The following ZNF99 variants were observed in gnomAD, a reference collection of about 807,000 sequenced individuals.
ZNF99 encodes zinc finger protein 99, also known as zinc finger protein ENSP00000375192.
In ZNF99, 8 loss-of-function variants were observed where a neutral mutation model predicts 12.8. That is an observed-to-expected ratio of 0.62 (90% CI 0.37 to 1.13). The LOEUF is 1.13. Ranked by LOEUF, ZNF99 falls within the 50% of genes most tolerant of loss-of-function variation. ZNF99 has a pLI of 0.02. For synonymous variants in ZNF99, 318 were observed against 319.0 expected, an observed-to-expected ratio of 1.00 and a Z score of 0.03; for missense variants, 1,007 against 1,006.2, an observed-to-expected ratio of 1.00 and a Z score of -0.01.
Position 22,754,446 on chromosome 19 carries a change from G to T in ZNF99, c.*2868C>A. Reference sequence around the variant, plus strand: ...ACATAAATTATCTTATGTGTAATAAGGGTTGAAATGTTTTTAAAGCTTTTG... The same window carrying T: ...ACATAAATTATCTTATGTGTAATAATGGTTGAAATGTTTTTAAAGCTTTTG... On this transcript the variant is annotated 3_prime_UTR_variant, in exon 4 of 4. Coordinates refer to ENST00000596209, the MANE Select transcript of ZNF99 (RefSeq NM_001080409.3). 2 of 403,622 alleles carry T rather than the reference G, an allele frequency of 5.0e-6. No homozygotes were observed. The highest frequency in any genetic ancestry group is 4.9e-6 in the Non-Finnish European group (1 of 205,022). The allele number at this position is 403,622 out of a possible 1,614,324, so 25.0% of individuals were successfully genotyped here.
At chr19:22,777,185 G>A (rs1973339369) in intron 1 of ZNF99, among the ~76,000 whole-genome samples, 1 of 151,908 alleles carries the variant, frequency 6.6e-6, no homozygotes, top group Non-Finnish European at 1.5e-5. Context: ...AACAAAACAT[G>A]GTATATAAAC....
Position 22,756,998 on chromosome 19 carries a change from G to C in ZNF99, c.*316C>G. On this transcript the variant is annotated 3_prime_UTR_variant, in exon 4 of 4. Transcript: ENST00000596209. ...ATGAATTATCTTATGTTTCCTAAGG[G>C]CTGAGAAATTGCTAAAAGCTTTGCC... The C allele has an allele frequency of 6.2e-7, 1 of 1,610,010 alleles. No homozygotes were observed. Among genetic ancestry groups the C allele is most frequent in the East Asian group, 2.2e-5 (1 of 44,612 alleles).
Position 22,776,518 on chromosome 19 carries a change from C to T in ZNF99, c.4-7194G>A, listed in dbSNP as rs193233428. ...ATCACTACAGAAAAGCAAAGAAAAACCACAATGATATACCATCTCATATCA... is the reference window on the plus strand; with the variant it reads ...ATCACTACAGAAAAGCAAAGAAAAATCACAATGATATACCATCTCATATCA... On this transcript the variant is annotated intron_variant, in intron 1 of 3. Transcript: ENST00000596209. Among the ~76,000 whole-genome samples, 20 of 126,052 alleles carry T rather than the reference C, an allele frequency of 1.6e-4. No individual in the cohort carries two copies. In the East Asian group the frequency reaches 4.5e-3, roughly 28 times the overall value. 82.7% of individuals were successfully genotyped at this position (126,052 alleles called of 152,430 possible).
In ZNF99 at chr19:22,757,616, C is replaced by A; in HGVS notation, c.2293G>T (p.Glu765Ter). 3 of 1,611,560 alleles carry A rather than the reference C, an allele frequency of 1.9e-6. No individual in the cohort carries two copies. The highest frequency in any genetic ancestry group is 2.5e-6 in the Non-Finnish European group (3 of 1,179,666). The change falls in exon 4 of 4, where the codon GAA becomes TAA. Residue 765 changes from glutamate to a stop codon, truncating the protein, a stop_gained. Transcript: ENST00000596209. LOFTEE classifies it low-confidence loss of function (END_TRUNC). Reference protein sequence around the residue: ...HTAEKPCKCEECGKAFKHFSA... With the variant: ...HTAEKPCKCE ...AAATGCTTAAAAGCTTTGCCACATT[C>A]TTCACATTTGCAGGGTTTCTCTGCA... is the stretch of plus-strand genomic sequence containing the variant.
rs1214356084 is a variant in ZNF99 at position 22,757,296 on chromosome 19, G to C, written c.*18C>G. The C allele has an allele frequency of 1.2e-6, 2 of 1,613,064 alleles. No individual in the cohort carries two copies. Among genetic ancestry groups the C allele is most frequent in the East Asian group, 2.2e-5 (1 of 44,802 alleles). On this transcript the variant is annotated 3_prime_UTR_variant, in exon 4 of 4. Coordinates refer to ENST00000596209, the MANE Select transcript of ZNF99 (RefSeq NM_001080409.3). ...TTGCCACATTCTTCACATTTGTAGGGTTTCTTTCCAGTATGAATTATCTCA... is the reference window on the plus strand; with the variant it reads ...TTGCCACATTCTTCACATTTGTAGGCTTTCTTTCCAGTATGAATTATCTCA...
Position 22,753,430 on chromosome 19 carries a change from AACTT to A in ZNF99, c.*3880_*3883del, listed in dbSNP as rs1972999523. On this transcript the variant is annotated 3_prime_UTR_variant, in exon 4 of 4. Coordinates refer to ENST00000596209, the MANE Select transcript of ZNF99 (RefSeq NM_001080409.3). Reference sequence around the variant, plus strand: ...TCATATTTACTGCATCTACAAAAAAAACTTACTCTGTTTTCTAAGCTGTAGTTTA... The same window carrying A: ...TCATATTTACTGCATCTACAAAAAAAACTCTGTTTTCTAAGCTGTAGTTTA... 1 of 152,116 alleles carries A rather than the reference AACTT, an allele frequency of 6.6e-6. No individual in the cohort carries two copies. The highest frequency in any genetic ancestry group is 2.4e-5 in the African/African-American group (1 of 41,460). 9.4% of individuals were successfully genotyped at this position (152,116 alleles called of 1,614,324 possible).
chr19:22,754,160 A>G lies in ZNF99; in HGVS notation c.*3154T>C. 2.2e-6 allele frequency: 1 copy of G among 452,698 alleles called. No individual in the cohort carries two copies. The highest frequency in any genetic ancestry group is 4.4e-6 in the Non-Finnish European group (1 of 226,078). 28.0% of individuals were successfully genotyped at this position (452,698 alleles called of 1,614,324 possible). On this transcript the variant is annotated 3_prime_UTR_variant, in exon 4 of 4. Coordinates refer to ENST00000596209, the MANE Select transcript of ZNF99 (RefSeq NM_001080409.3). ...GGCGGGTGGATCACTTGAGGTCAGG[A>G]GTTCAAAACCAGCCTGGTCAAAATG...
Position 22,757,427 on chromosome 19 carries a change from A to G in ZNF99, c.2482T>C (p.Trp828Arg), listed in dbSNP as rs749295695. Residue 828 changes from tryptophan to arginine, a missense_variant, in exon 4 of 4, where the codon TGG becomes CGG. Physicochemically the swap from Trp to Arg is moderately radical, Grantham distance 101. Coordinates refer to ENST00000596209, the MANE Select transcript of ZNF99 (RefSeq NM_001080409.3). The stretch of plus-strand genomic sequence containing the variant: ...TTATGTAAAGTAAGTTTTGAGGACC[A>G]CTGAAAAGCTTTACCACATTCTTCA... Reference protein sequence around the residue: ...KCEECGKAFQWSSKLTLHKVI... With the variant: ...KCEECGKAFQRSSKLTLHKVI... 20 of 1,604,466 alleles carry G rather than the reference A, an allele frequency of 1.2e-5. No homozygotes were observed. Among genetic ancestry groups the G allele is most frequent in the Non-Finnish European group, 1.4e-5 (17 of 1,177,972 alleles).
rs1333660704 is a variant in ZNF99, at chr19:22,784,066, C to A, written c.-50G>T. 7 of 1,610,526 alleles carry A rather than the reference C, an allele frequency of 4.3e-6. No individual in the cohort carries two copies. The highest frequency in any genetic ancestry group is 5.9e-6 in the Non-Finnish European group (7 of 1,177,642). ...CGTCCTAGCTGTGGATCTCCAAATA[C>A]CTACAGGTCACAGGGCCACAGAGGC... On this transcript the variant is annotated 5_prime_UTR_variant, in exon 1 of 4. Coordinates refer to ENST00000596209, the MANE Select transcript of ZNF99 (RefSeq NM_001080409.3).
intron 2 of ZNF99, 36 bp from the exon 3 acceptor site, chr19:22,768,436 C>A: frequency 6.5e-7 from 1 of 1,539,004 alleles, no homozygotes; most frequent in South Asian, 1.2e-5. Flanking sequence ...AAATATTGCT[C>A]ATATTCCCCA....
Position 22,755,216 on chromosome 19 carries a change from C to A in ZNF99, c.*2098G>T. On this transcript the variant is annotated 3_prime_UTR_variant, in exon 4 of 4. Coordinates refer to ENST00000596209, the MANE Select transcript of ZNF99 (RefSeq NM_001080409.3). The stretch of plus-strand genomic sequence containing the variant: ...CTTTCTTCACATTTGTAGGGTTTTT[C>A]TCCAGTACGAATTTTCTTATGTCTA... 3.6e-6 allele frequency: 1 copy of A among 274,064 alleles called. No homozygotes were observed. Among genetic ancestry groups the A allele is most frequent in the Non-Finnish European group, 7.4e-6 (1 of 135,344 alleles). The allele number at this position is 274,064 out of a possible 1,614,324, so 17.0% of individuals were successfully genotyped here. A position where few individuals can be genotyped will look rare whatever the true frequency, so the allele number is the denominator to read the frequency against.
At chr19:22,772,695 CAGAG>C (rs1229959855) in intron 1 of ZNF99, among the ~76,000 whole-genome samples, 1 of 150,746 alleles carries the variant, frequency 6.6e-6, no homozygotes, top group Non-Finnish European at 1.5e-5. Flanking sequence ...AAAAAAAAGA[CAGAG>C]AGAAAGAGAA....
At position 22,757,240 on chromosome 19, in the gene ZNF99, T is replaced by C; in HGVS notation, c.*74A>G. ...TCTTCCCAGTATAAATTATCTTATGTTTCCTAAGGGTTGAGGAATTGTTAA... is the reference window on the plus strand; with the variant it reads ...TCTTCCCAGTATAAATTATCTTATGCTTCCTAAGGGTTGAGGAATTGTTAA... On this transcript the variant is annotated 3_prime_UTR_variant, in exon 4 of 4. Transcript: ENST00000596209. The C allele has an allele frequency of 6.3e-7, 1 of 1,588,226 alleles. No homozygotes were observed. Among genetic ancestry groups the C allele is most frequent in the Non-Finnish European group, 8.6e-7 (1 of 1,162,616 alleles).
intron 1 of ZNF99, among the ~76,000 whole-genome samples, chr19:22,771,662 A>G (rs1034081074): frequency 4.0e-5 from 6 of 149,044 alleles, no homozygotes; most frequent in Non-Finnish European, 7.4e-5. Flanking sequence ...CTTTTCCCCA[A>G]TAGGAATCTT....
chr19:22,775,226 T>C (rs559765966), intron 1 of ZNF99, among the ~76,000 whole-genome samples: 1 of 152,080 alleles, frequency 6.6e-6, no homozygotes, highest in South Asian at 2.1e-4. Context: ...TATAGAACAA[T>C]GCAACAGAAT....
chr19:22,759,936 AAAGAG>A (rs1396457203), intron 3 of ZNF99, among the ~76,000 whole-genome samples: 4 of 152,204 alleles, frequency 2.6e-5, no homozygotes, highest in African/African-American at 9.6e-5. Flanking sequence ...ACATAAAAGG[AAAGAG>A]AAGTCTGTTA....
In ZNF99 at chr19:22,776,023, A is replaced by AAAAAC. The variant is rs1342834584; in HGVS notation, c.4-6704_4-6700dup. 4.6e-5 allele frequency among the ~76,000 whole-genome samples: 7 copies of AAAAAC among 152,142 alleles called. No individual in the cohort carries two copies. In the Middle Eastern group the frequency reaches 0.014, roughly 296 times the overall value. ...GGCAACAAGAGTGAAACTCCACCTC[A>AAAAAC]AAAACAAAACAAAACATAACAAAAA... On this transcript the variant is annotated intron_variant, in intron 1 of 3. Transcript: ENST00000596209.
At chr19:22,772,363 G>C (rs994475777) in intron 1 of ZNF99, among the ~76,000 whole-genome samples, 36 of 152,262 alleles carry the variant, frequency 2.4e-4, no homozygotes, top group Admixed American at 8.5e-4. Context: ...ATAGTGAACA[G>C]CTTCAAAAGA....
In ZNF99 at chr19:22,754,021, G is replaced by C. The variant is rs761091951; in HGVS notation, c.*3293C>G. 4.4e-6 allele frequency: 2 copies of C among 455,868 alleles called. No homozygotes were observed. Among genetic ancestry groups the C allele is most frequent in the Non-Finnish European group, 8.8e-6 (2 of 226,782 alleles). The allele number at this position is 455,868 out of a possible 1,614,324, so 28.2% of individuals were successfully genotyped here. A position where few individuals can be genotyped will look rare whatever the true frequency, so the allele number is the denominator to read the frequency against. On this transcript the variant is annotated 3_prime_UTR_variant, in exon 4 of 4. Transcript: ENST00000596209. ...GAGCACTGTCATGTCTTTTAGGTTT[G>C]TAGAGCTTCTCTCCAGTATGATTTG...
Sources: allele counts gnomAD v4.1 joint callset (sites outside exome capture counted in the v4.1 genomes callset), GRCh38; gene constraint gnomAD v4.1.1; transcripts MANE v1.5; gene names NCBI Gene and HGNC (gene_info 2026-07-23, HGNC 2026-07-21).